Variants in RBMXL3 observed in about 807,000 individuals in gnomAD.
RBMXL3 encodes RNA-binding motif protein, X-linked-like-3.
RBMXL3 carries 2 observed loss-of-function variants against 0.8 expected under a neutral mutation model. That is an observed-to-expected ratio of 2.54 (90% CI 1.04 to 8.00). The LOEUF (loss-of-function observed/expected upper bound fraction) is 8.00. Among genes scored for constraint, RBMXL3 ranks in the 30% most tolerant of loss-of-function variants. RBMXL3 has a pLI of 0.04. For synonymous variants in RBMXL3, 447 were observed against 449.8 expected (o/e 0.99, Z 0.08); for missense variants, 1,127 against 1,068.0 (o/e 1.06, Z -0.77).
chrX:115,190,273 G>T lies in RBMXL3; in HGVS notation c.832G>T (p.Asp278Tyr), dbSNP rs62601529. The change falls in exon 1 of 1, where the codon GAC becomes TAC. Residue 278 changes from aspartate (D) to tyrosine (Y), a missense_variant. Asp to Tyr is a radical substitution (Grantham distance 160). Coordinates refer to ENST00000424776, the MANE Select transcript of RBMXL3 (RefSeq NM_001145346.2). ...CCCGGACTACCGTCCCTTGAGAGGC[G>T]ACGGCAACCAAAATGGCTACAGGGG... is the stretch of plus-strand genomic sequence containing the variant. The part of the protein sequence containing the change: ...SVPDYRPLRG[D>Y]GNQNGYRGRD... 5 of 1,153,028 alleles carry T rather than the reference G, an allele frequency of 4.3e-6. No individual in the cohort carries two copies. Among genetic ancestry groups the T allele is most frequent in the Non-Finnish European group, 5.8e-6 (5 of 863,909 alleles).
chrX:115,189,987 A>C lies in RBMXL3; in HGVS notation c.546A>C (p.Ala182=), dbSNP rs2072773236. The C allele has an allele frequency of 8.6e-7, 1 of 1,162,410 alleles. No homozygotes were observed. The highest frequency in any genetic ancestry group is 1.8e-5 in the African/African-American group (1 of 56,032). The change falls in exon 1 of 1, where the codon GCA becomes GCC. Residue 182 remains alanine (A), a synonymous_variant. Coordinates refer to ENST00000424776, the MANE Select transcript of RBMXL3 (RefSeq NM_001145346.2). ...TTGGCTGTGGAATGCGCGGGAAGGC[A>C]CCGACTGTGTCGGGGCAAGATGGCT... ...HSVGCGMRGK[A]PTVSGQDGYS...
In RBMXL3 at chrX:115,189,947, G is replaced by T; in HGVS notation, c.506G>T (p.Ser169Ile). ...SPPHKRATPS[S>I]LAHSVGCGMR... The stretch of plus-strand genomic sequence containing the variant: ...CCCCACAAGAGGGCCACGCCGTCGA[G>T]CCTGGCTCACAGCGTTGGCTGTGGA... The change falls in exon 1 of 1, where the codon AGC becomes ATC. Residue 169 changes from serine (S) to isoleucine (I), a missense_variant. Transcript: ENST00000424776. The T allele has an allele frequency of 8.6e-7, 1 of 1,160,595 alleles. No homozygotes were observed.
rs782388704 is a variant in RBMXL3, at chrX:115,191,948, A to G, written c.2507A>G (p.Asn836Ser). 6.0e-6 allele frequency: 7 copies of G among 1,163,179 alleles called. No homozygotes were observed. The highest frequency in any genetic ancestry group is 6.6e-5 in the East Asian group (2 of 30,469). The change falls in exon 1 of 1, where the codon AAC becomes AGC. Residue 836 changes from asparagine (N) to serine (S), a missense_variant. By Grantham distance (46) the Asn-to-Ser change is conservative (BLOSUM62 1). Coordinates refer to ENST00000424776, the MANE Select transcript of RBMXL3 (RefSeq NM_001145346.2). ...GCCAACAGCGGAGGCCACTCACCCA[A>G]CGCCTACAGTGGGGGCCGTGACAGT... ...LDANSGGHSP[N>S]AYSGGRDSSS...
chrX:115,190,874 C>T lies in RBMXL3; in HGVS notation c.1433C>T (p.Ser478Leu), dbSNP rs377255569. The change falls in exon 1 of 1, where the codon TCG (serine) becomes TTG (leucine). Residue 478 changes from serine (S) to leucine (L), a missense_variant. By Grantham distance (145) the Ser-to-Leu change is moderately radical. Transcript: ENST00000424776. Reference sequence around the variant, plus strand: ...CGTTATGAGGAGTACCAAGGCCGCTCGCTGGATGCCAACAGTGGAGGCTGC... The same window carrying T: ...CGTTATGAGGAGTACCAAGGCCGCTTGCTGGATGCCAACAGTGGAGGCTGC... Reference protein sequence around the residue: ...GGRYEEYQGRSLDANSGGCSP... With the variant: ...GGRYEEYQGRLLDANSGGCSP... 2.0e-5 allele frequency: 23 copies of T among 1,153,297 alleles called. No homozygotes were observed. Among genetic ancestry groups the T allele is most frequent in the Middle Eastern group, 2.4e-4 (1 of 4,235 alleles).
chrX:115,192,624 G>C lies in RBMXL3; in HGVS notation c.3183G>C (p.Gly1061=). 1.7e-6 allele frequency: 2 copies of C among 1,170,160 alleles called. No homozygotes were observed. The highest frequency in any genetic ancestry group is 2.3e-6 in the Non-Finnish European group (2 of 874,229). Residue 1061 remains glycine (G), a synonymous_variant, in exon 1 of 1, where the codon GGG becomes GGC. Transcript: ENST00000424776. ...GTCAAGGAGGCCGCTTCGAGAGGGG[G>C]GAAGGCCGGAGCAGATACTAAGCAG... ...GGRQGGRFER[G]EGRSRY
Position 115,192,270 on chromosome X carries a change from C to T in RBMXL3, c.2829C>T (p.Tyr943=), listed in dbSNP as rs782352771. 1,110 of 1,160,535 alleles carry T rather than the reference C, an allele frequency of 9.6e-4. 3 individuals are homozygous for T. Among genetic ancestry groups the T allele is most frequent in the Middle Eastern group, 3.0e-3 (13 of 4,276 alleles). Residue 943 remains tyrosine, a synonymous_variant, in exon 1 of 1, where the codon TAC becomes TAT. Transcript: ENST00000424776. ...SNNSHGRSHR[Y]GGGGRYEEYR... ...ACAGTCATGGCCGGAGCCACCGCTA[C>T]GGAGGAGGAGGCCGCTACGAGGAGT...
In RBMXL3 at chrX:115,191,068, C is replaced by T; in HGVS notation, c.1627C>T (p.Gln543Ter). The T allele has an allele frequency of 8.6e-7, 1 of 1,162,570 alleles. No individual in the cohort carries two copies. The change falls in exon 1 of 1, where the codon CAG (glutamine) becomes TAG (stop). Residue 543 changes from glutamine to a stop codon, truncating the protein, a stop_gained. Transcript: ENST00000424776. LOFTEE classifies it low-confidence loss of function (END_TRUNC). ...CAGCAGTTCCAGCAACAGTTACGGCCAGAGCCACCGCTATGGAGGAGAAGG... is the reference window on the plus strand; with the variant it reads ...CAGCAGTTCCAGCAACAGTTACGGCTAGAGCCACCGCTATGGAGGAGAAGG... ...GHSSSSNSYG[Q>*]SHRYGGEGRY... is the part of the protein sequence containing the mutation.
chrX:115,190,902 G>A lies in RBMXL3; in HGVS notation c.1461G>A (p.Ser487=), dbSNP rs1482508722. 23 of 1,159,807 alleles carry A rather than the reference G, an allele frequency of 2.0e-5. No individual in the cohort carries two copies. Among genetic ancestry groups the A allele is most frequent in the South Asian group, 1.1e-4 (6 of 52,183 alleles). The change falls in exon 1 of 1, where the codon TCG becomes TCA. Residue 487 remains serine, a synonymous_variant. Transcript: ENST00000424776. ...TGGATGCCAACAGTGGAGGCTGCTCGCCCGAGGCCTACAGTGGGGGCCACG... is the reference window on the plus strand; with the variant it reads ...TGGATGCCAACAGTGGAGGCTGCTCACCCGAGGCCTACAGTGGGGGCCACG... ...RSLDANSGGC[S]PEAYSGGHDN...
rs1556557072 is a variant in RBMXL3 at position 115,190,359 on chromosome X, C to T, written c.918C>T (p.Ser306=). ...GCTCCTACCGAGAGCCCCTCAAGAG[C>T]TACGGAGGCCCATGCGGCGCTGCCC... is the stretch of plus-strand genomic sequence containing the variant. ...SKGSYREPLK[S]YGGPCGAAPV... Residue 306 remains serine, a synonymous_variant, in exon 1 of 1, where the codon AGC becomes AGT. Transcript: ENST00000424776. The T allele has an allele frequency of 9.5e-6, 11 of 1,161,875 alleles. No individual in the cohort carries two copies. Among genetic ancestry groups the T allele is most frequent in the Non-Finnish European group, 1.3e-5 (11 of 869,945 alleles).
Position 115,189,423 on chromosome X carries a change from C to G in RBMXL3, c.-19C>G, listed in dbSNP as rs2072761414. On this transcript the variant is annotated 5_prime_UTR_variant, in exon 1 of 1. Coordinates refer to ENST00000424776, the MANE Select transcript of RBMXL3 (RefSeq NM_001145346.2). ...TCATCACTTCCCACTTCCTCTGACCCACCATTCGGCAGGGAGACATGATGG... is the reference window on the plus strand; with the variant it reads ...TCATCACTTCCCACTTCCTCTGACCGACCATTCGGCAGGGAGACATGATGG... 1 of 1,154,381 alleles carries G rather than the reference C, an allele frequency of 8.7e-7. No homozygotes were observed. Among genetic ancestry groups the G allele is most frequent in the South Asian group, 2.0e-5 (1 of 50,419 alleles).
chrX:115,192,181 G>A lies in RBMXL3; in HGVS notation c.2740G>A (p.Glu914Lys), dbSNP rs1048498671. Residue 914 changes from glutamate (E) to lysine (K), a missense_variant, in exon 1 of 1, where the codon GAG becomes AAG. Transcript: ENST00000424776. ...SDHYGRGGCY[E>K]EYQGRSPNAY... Reference sequence around the variant, plus strand: ...CCATTACGGAAGAGGAGGCTGCTACGAGGAATACCAAGGCCGCTCGCCCAA... The same window carrying A: ...CCATTACGGAAGAGGAGGCTGCTACAAGGAATACCAAGGCCGCTCGCCCAA... 8 of 1,166,474 alleles carry A rather than the reference G, an allele frequency of 6.9e-6. No homozygotes were observed. In the Admixed American group the frequency reaches 1.3e-4, roughly 19 times the overall value.
chrX:115,190,485 C>CT lies in RBMXL3; in HGVS notation c.1046dup (p.Leu349PhefsTer19). On this transcript the variant is annotated frameshift_variant, in exon 1 of 1. Transcript: ENST00000424776. LOFTEE classifies it low-confidence loss of function (END_TRUNC). ...GCAGTGAAGGCCGCTCGTCCGAGGC[C>CT]TTGCCAGTCGTCTTGCCAGACGCCT... 8.6e-7 allele frequency: 1 copy of CT among 1,167,983 alleles called. No homozygotes were observed. The highest frequency in any genetic ancestry group is 1.9e-5 in the South Asian group (1 of 52,791).
At position 115,190,955 on chromosome X, in the gene RBMXL3, G is replaced by A; in HGVS notation, c.1514G>A (p.Gly505Glu). ...HDNSSWSDRYGVGGHYEENRG... is the reference protein window; with the variant it reads ...HDNSSWSDRYEVGGHYEENRG... The stretch of plus-strand genomic sequence containing the variant: ...AATTCCAGCTGGAGCGACCGCTACG[G>A]AGTAGGAGGCCACTATGAGGAGAAC... Residue 505 changes from glycine (G) to glutamate (E), a missense_variant, in exon 1 of 1, where the codon GGA becomes GAA. Transcript: ENST00000424776. The A allele has an allele frequency of 2.6e-6, 3 of 1,165,021 alleles. No individual in the cohort carries two copies. The South Asian group carries it at 5.7e-5, about 22-fold the overall frequency.
At position 115,190,091 on chromosome X, in the gene RBMXL3, G is replaced by A. The variant is rs190459935; in HGVS notation, c.650G>A (p.Gly217Asp). 4.3e-4 allele frequency: 494 copies of A among 1,153,790 alleles called. 1 individual carries two copies. In the African/African-American group the frequency reaches 8.0e-3, roughly 19 times the overall value. ...CCCCGGTCAAGCCTGGCTCGCATTG[G>A]CGGCAGTGGAATGCCTGGGAAGGCC... ...AVPRSSLARI[G>D]GSGMPGKAPA... The change falls in exon 1 of 1, where the codon GGC (glycine) becomes GAC (aspartate). Residue 217 changes from glycine to aspartate, a missense_variant. Coordinates refer to ENST00000424776, the MANE Select transcript of RBMXL3 (RefSeq NM_001145346.2).
Position 115,191,553 on chromosome X carries a change from A to C in RBMXL3, c.2112A>C (p.Gly704=). 8.9e-7 allele frequency: 1 copy of C among 1,118,825 alleles called. No individual in the cohort carries two copies. The highest frequency in any genetic ancestry group is 1.9e-5 in the African/African-American group (1 of 53,121). The allele number at this position is 1,118,825 out of a possible 1,213,427, so 92.2% of individuals were successfully genotyped here. ...DSSSQSNRYG[G]GGRYEEYRGH... ...CCAGCCAGAGCAACCGCTATGGAGG[A>C]GGCGGCCGCTACGAGGAGTACCGAG... is the stretch of plus-strand genomic sequence containing the variant. Residue 704 remains glycine, a synonymous_variant, in exon 1 of 1, where the codon GGA becomes GGC. Transcript: ENST00000424776.
In RBMXL3 at chrX:115,190,828, G is replaced by A. The variant is rs189571980; in HGVS notation, c.1387G>A (p.Asp463Asn). Residue 463 changes from aspartate to asparagine, a missense_variant, in exon 1 of 1, where the codon GAC becomes AAC. Physicochemically the swap from Asp to Asn is conservative, Grantham distance 23. Transcript: ENST00000424776. ...GGGCCATGACAGTTCCAGCTGGAGC[G>A]ACTGCTGCGGAGGAGGAGGCCGTTA... ...SGGHDSSSWS[D>N]CCGGGGRYEE... 3.8e-4 allele frequency: 431 copies of A among 1,149,326 alleles called. 2 individuals carry two copies. In the African/African-American group the frequency reaches 5.3e-3, roughly 14 times the overall value. The allele number at this position is 1,149,326 out of a possible 1,213,427, so 94.7% of individuals were successfully genotyped here.
rs782587234 is a variant in RBMXL3 at position 115,189,904 on chromosome X, C to T, written c.463C>T (p.Arg155Trp). Residue 155 changes from arginine to tryptophan, a missense_variant, in exon 1 of 1, where the codon CGG becomes TGG. Coordinates refer to ENST00000424776, the MANE Select transcript of RBMXL3 (RefSeq NM_001145346.2). ...GCCCAGGAAGCGCGGGCCGCCACCG[C>T]GGCACTGGGCCAGCCCACCCCACAA... ...PMPRKRGPPPRHWASPPHKRA... is the reference protein window; with the variant it reads ...PMPRKRGPPPWHWASPPHKRA... 2.8e-4 allele frequency: 330 copies of T among 1,159,061 alleles called. No homozygotes were observed. The highest frequency in any genetic ancestry group is 3.9e-4 in the African/African-American group (22 of 56,170).
At position 115,190,208 on chromosome X, in the gene RBMXL3, TCA is replaced by T; in HGVS notation, c.768_769del (p.Asp258LeufsTer32). On this transcript the variant is annotated frameshift_variant, in exon 1 of 1. Coordinates refer to ENST00000424776, the MANE Select transcript of RBMXL3 (RefSeq NM_001145346.2). LOFTEE classifies it low-confidence loss of function (END_TRUNC). ...GACCCTGGGGATTTTGTCCCTGCGC[TCA>T]GAGACTACAGCCGCCGCTATTATGG... is the stretch of plus-strand genomic sequence containing the variant. 3 of 1,166,051 alleles carry T rather than the reference TCA, an allele frequency of 2.6e-6. No individual in the cohort carries two copies. The highest frequency in any genetic ancestry group is 3.4e-6 in the Non-Finnish European group (3 of 872,112).
Position 115,190,505 on chromosome X carries a change from A to T in RBMXL3, c.1064A>T (p.Asp355Val), listed in dbSNP as rs1387989428. 7.7e-6 allele frequency: 9 copies of T among 1,166,187 alleles called. No homozygotes were observed. Among genetic ancestry groups the T allele is most frequent in the Non-Finnish European group, 1.0e-5 (9 of 872,828 alleles). ...SSEALPVVLPDAYSRDHSPKA... is the reference protein window; with the variant it reads ...SSEALPVVLPVAYSRDHSPKA... ...GAGGCCTTGCCAGTCGTCTTGCCAG[A>T]CGCCTACAGCAGGGACCACTCGCCC... is the stretch of plus-strand genomic sequence containing the variant. The change falls in exon 1 of 1, where the codon GAC becomes GTC. Residue 355 changes from aspartate to valine, a missense_variant. Transcript: ENST00000424776.
Sources: allele counts gnomAD v4.1 joint callset, GRCh38; gene constraint gnomAD v4.1.1; transcripts MANE v1.5; gene names NCBI Gene and HGNC (gene_info 2026-07-23, HGNC 2026-07-21).